RBFOX1: variants seen among roughly 807,000 people sequenced by gnomAD.
RBFOX1 encodes the protein RNA binding fox-1 homolog 1, also known as RNA binding protein fox-1 homolog 1.
In RBFOX1, 8 loss-of-function variants were observed where a neutral mutation model predicts 57.7. That is an observed-to-expected ratio of 0.14 (90% CI 0.08 to 0.25). The LOEUF (loss-of-function observed/expected upper bound fraction) is 0.25, where lower values mean the gene tolerates loss of function less well. RBFOX1 is among the 10% of genes least tolerant of loss of function. The probability of loss-of-function intolerance (pLI) is 1.00; values close to 1 mark genes in which losing one functional copy is unlikely to be tolerated. For missense variants in RBFOX1, 611 were observed against 548.5 expected, an observed-to-expected ratio of 1.11 and a Z score of -1.14; for synonymous variants, 326 against 222.4, an observed-to-expected ratio of 1.47 and a Z score of -4.15.
At chr16:6,829,953 G>A (rs535653435) in intron 3 of RBFOX1, among the ~76,000 whole-genome samples, 2 of 151,080 alleles carry the variant, frequency 1.3e-5, no homozygotes, top group Non-Finnish European at 2.9e-5. Flanking sequence ...TTTTGCTCTT[G>A]TTGCCCAGGC....
intron 1 of RBFOX1, among the ~76,000 whole-genome samples, chr16:6,228,923 G>C (rs941181958): frequency 6.6e-6 from 1 of 151,988 alleles, no homozygotes; most frequent in Non-Finnish European, 1.5e-5. Context: ...AATTTTATTT[G>C]TCAATTAAAA....
At chr16:5,664,959 T>TTA (rs879328473) in intron 3 of RBFOX1, among the ~76,000 whole-genome samples, 2 of 151,866 alleles carry the variant, frequency 1.3e-5, no homozygotes, top group South Asian at 2.1e-4. Flanking sequence ...TTTTTTTTTT[T>TTA]ATCGAGATAG....
At chr16:7,607,244 A>T in intron 9 of RBFOX1, 41 bp from the exon 10 acceptor site, 1 of 1,556,594 alleles carries the variant, frequency 6.4e-7, no homozygotes. Context: ...TAAGATGTTG[A>T]ATCAAATGTG....
At chr16:7,151,501 C>T (rs1428716826) in intron 4 of RBFOX1, among the ~76,000 whole-genome samples, 1 of 152,154 alleles carries the variant, frequency 6.6e-6, no homozygotes, top group Non-Finnish European at 1.5e-5. Flanking sequence ...AGATCTTCTT[C>T]ACAGGGCTAC....
At chr16:6,487,837 C>G (rs1206925497) in intron 2 of RBFOX1, among the ~76,000 whole-genome samples, 1 of 149,038 alleles carries the variant, frequency 6.7e-6, no homozygotes, top group African/African-American at 2.5e-5. Flanking sequence ...TCATGTTTAT[C>G]TAATGAGCCA....
chr16:7,673,516 A>C (rs1339180388), intron 13 of RBFOX1, among the ~76,000 whole-genome samples: 1 of 152,162 alleles, frequency 6.6e-6, no homozygotes, highest in Non-Finnish European at 1.5e-5. Context: ...ACAGCAGCCT[A>C]GGCAACATAG....
intron 3 of RBFOX1, among the ~76,000 whole-genome samples, chr16:5,724,052 T>G (rs2052039023): frequency 6.6e-6 from 1 of 152,202 alleles, no homozygotes; most frequent in Non-Finnish European, 1.5e-5. Context: ...TGTGTGCATG[T>G]GCCTGCGTGC....
chr16:7,693,434 T>TTTTC, intron 14 of RBFOX1: 2 of 1,173,014 alleles, frequency 1.7e-6, no homozygotes, highest in Admixed American at 4.1e-5. Flanking sequence ...TTTTTTTTTT[T>TTTTC]CTTCTTCACA....
rs151012281 is a variant in RBFOX1 at position 7,691,464 on chromosome 16, A to C, written c.995+14626A>C. On this transcript the variant is annotated intron_variant, in intron 14 of 15. Transcript: ENST00000550418. ...GAAAGGAAAGGAGAAAAGGAAGGAA[A>C]GGGTAGGAGAGGAAAAGAGGAAGAA... 3.9e-5 allele frequency among the ~76,000 whole-genome samples: 6 copies of C among 152,016 alleles called. No individual in the cohort carries two copies. In the East Asian group the frequency reaches 1.2e-3, roughly 29 times the overall value.
intron 4 of RBFOX1, among the ~76,000 whole-genome samples, chr16:5,964,386 C>T (rs958553536): frequency 6.6e-6 from 1 of 152,112 alleles, no homozygotes; most frequent in Non-Finnish European, 1.5e-5. Flanking sequence ...CCAACAATCC[C>T]ACTTCTGGGT....
intron 4 of RBFOX1, among the ~76,000 whole-genome samples, chr16:7,321,874 G>T (rs905706229): frequency 6.6e-6 from 1 of 152,148 alleles, no homozygotes. Flanking sequence ...GCCACCAGCT[G>T]CCTGGCCATG....
chr16:7,252,027 G>T (rs1481291970), intron 4 of RBFOX1, among the ~76,000 whole-genome samples: 1 of 152,212 alleles, frequency 6.6e-6, no homozygotes, highest in Non-Finnish European at 1.5e-5. Flanking sequence ...TTTGGGTGGT[G>T]AGACAGAAAG....
At chr16:7,224,772 G>C (rs1011215094) in intron 4 of RBFOX1, among the ~76,000 whole-genome samples, 5 of 152,170 alleles carry the variant, frequency 3.3e-5, no homozygotes, top group African/African-American at 9.7e-5. Flanking sequence ...CAAAGTCCTC[G>C]TTATTCAAAG....
intron 4 of RBFOX1, among the ~76,000 whole-genome samples, chr16:7,062,784 G>A (rs1355201756): frequency 1.3e-5 from 2 of 151,832 alleles, no homozygotes; most frequent in Non-Finnish European, 1.5e-5. Context: ...GTGAAGAGAC[G>A]GTTCCCAGGG....
intron 4 of RBFOX1, among the ~76,000 whole-genome samples, chr16:7,213,229 A>G (rs114381487): frequency 1.3e-5 from 2 of 152,270 alleles, no homozygotes; most frequent in African/African-American, 4.8e-5. Flanking sequence ...AAAAACAATG[A>G]GGCATCAGTT....
intron 4 of RBFOX1, among the ~76,000 whole-genome samples, chr16:7,182,657 G>A (rs2082951534): frequency 6.6e-6 from 1 of 152,190 alleles, no homozygotes. Context: ...GGATTCCAGA[G>A]GAGGAAGAGC....
intron 3 of RBFOX1, among the ~76,000 whole-genome samples, chr16:6,930,558 C>T (rs957868644): frequency 2.6e-5 from 4 of 151,952 alleles, no homozygotes; most frequent in African/African-American, 7.3e-5. Context: ...TACAGGTACC[C>T]CCCACCATGC....
At chr16:6,360,203 T>C (rs2191420) in intron 2 of RBFOX1, among the ~76,000 whole-genome samples, 38,955 of 151,972 alleles carry the variant, frequency 0.26, 5,245 homozygotes, top group Middle Eastern at 0.36. Flanking sequence ...AAGCAGGAAA[T>C]GAATTTCTTA....
chr16:5,442,736 A>G lies in RBFOX1; in HGVS notation c.220-24480A>G, dbSNP rs645529. On this transcript the variant is annotated intron_variant, in intron 1 of 2. Transcript: ENST00000585867. Reference sequence around the variant, plus strand: ...CACCTAGCATTATGTTTTCCATTTAATCTGTCTCACCGTCCTCCAAAAGCA... The same window carrying G: ...CACCTAGCATTATGTTTTCCATTTAGTCTGTCTCACCGTCCTCCAAAAGCA... 4.7e-3 allele frequency among the ~76,000 whole-genome samples: 719 copies of G among 152,176 alleles called. 13 individuals are homozygous for G. Among genetic ancestry groups the G allele is most frequent in the African/African-American group, 0.016 (683 of 41,504 alleles).
Sources: gnomAD v4.1 joint callset for allele counts (sites outside exome capture counted in the v4.1 genomes callset) on GRCh38, gnomAD v4.1.1 for gene constraint, MANE v1.5 for transcripts, NCBI Gene and HGNC (gene_info 2026-07-23, HGNC 2026-07-21) for gene names.